The following PLAGL2 variants were observed in gnomAD, a reference collection of about 807,000 sequenced individuals.
PLAGL2 encodes PLAG1 like zinc finger 2, also known as zinc finger protein PLAGL2.
Under a neutral mutation model 29.0 loss-of-function variants are expected in PLAGL2, and 7 were observed. The observed-to-expected ratio is 0.24, with a 90% confidence interval of 0.14 to 0.45. The LOEUF is 0.45. Among genes scored for constraint, PLAGL2 ranks in the 20% least tolerant of loss-of-function variants. PLAGL2 has a pLI of 0.99. For missense variants in PLAGL2, 454 were observed against 648.2 expected, an observed-to-expected ratio of 0.70 and a Z score of 3.25; for synonymous variants, 234 against 266.0, an observed-to-expected ratio of 0.88 and a Z score of 1.17.
At position 32,197,714 on chromosome 20, in the gene PLAGL2, G is replaced by A. The variant is rs2047237944; in HGVS notation, c.261-32C>T. On this transcript the variant is annotated intron_variant, in intron 2 of 2. Coordinates refer to ENST00000246229, the MANE Select transcript of PLAGL2 (RefSeq NM_002657.3). This position sits in a 1 kb window ranked among gnomAD's most constrained non-coding sequence, Gnocchi z 6.6. ...GTAGAGACAGGGGATAGGGGAGAAAGCAGAAAGAGGGGAGATCACAAGGGA... is the reference window on the plus strand; with the variant it reads ...GTAGAGACAGGGGATAGGGGAGAAAACAGAAAGAGGGGAGATCACAAGGGA... 2 of 1,589,576 alleles carry A rather than the reference G, an allele frequency of 1.3e-6. No homozygotes were observed. Among genetic ancestry groups the A allele is most frequent in the Non-Finnish European group, 1.7e-6 (2 of 1,162,490 alleles).
At chr20:32,204,093 T>C (rs932851661) in intron 1 of PLAGL2, among the ~76,000 whole-genome samples, 8 of 152,224 alleles carry the variant, frequency 5.3e-5, no homozygotes, top group Non-Finnish European at 1.2e-4. Flanking sequence ...GCAATTACTA[T>C]GCACCTTGGA....
At chr20:32,199,878 T>C (rs1015390260) in intron 2 of PLAGL2, among the ~76,000 whole-genome samples, 1 of 152,044 alleles carries the variant, frequency 6.6e-6, no homozygotes, top group African/African-American at 2.4e-5. Context: ...AGTATGGCCT[T>C]GACTGGAGTT....
At position 32,196,172 on chromosome 20, in the gene PLAGL2, GGCC is replaced by G. The variant is rs2047226801; in HGVS notation, c.*277_*279del. The G allele has an allele frequency of 4.0e-6, 1 of 247,280 alleles. No individual in the cohort carries two copies. Among genetic ancestry groups the G allele is most frequent in the African/African-American group, 2.2e-5 (1 of 44,938 alleles). 15.3% of individuals were successfully genotyped at this position (247,280 alleles called of 1,614,324 possible). A position where few individuals can be genotyped will look rare whatever the true frequency, so the allele number is the denominator to read the frequency against. On this transcript the variant is annotated 3_prime_UTR_variant, in exon 3 of 3. Transcript: ENST00000246229. ...GTTCTGGCGCTTTGGAGAGGAAGAG[GGCC>G]AAGTGTGGCTCCCGATTCAGGTCAA...
intron 2 of PLAGL2, among the ~76,000 whole-genome samples, chr20:32,198,272 C>T (rs1402564936): frequency 6.6e-6 from 1 of 152,092 alleles, no homozygotes; most frequent in Non-Finnish European, 1.5e-5. Flanking sequence ...TTTTGAATTA[C>T]GTGAAAGTAT....
chr20:32,197,027 G>T lies in PLAGL2; in HGVS notation c.916C>A (p.Pro306Thr). ...GMYGAHIPTMPSTGVPHSLVH... is the reference protein window; with the variant it reads ...GMYGAHIPTMTSTGVPHSLVH... ...AGGGAGTGTGGCACGCCCGTGCTGGGCATGGTAGGGATGTGGGCACCATAC... is the reference window on the plus strand; with the variant it reads ...AGGGAGTGTGGCACGCCCGTGCTGGTCATGGTAGGGATGTGGGCACCATAC... The change falls in exon 3 of 3, where the codon CCC becomes ACC. Residue 306 changes from proline to threonine, a missense_variant. This residue lies in a region of PLAGL2 where 247 missense variants were observed against 350.3 expected (regional missense o/e 0.71). Coordinates refer to ENST00000246229, the MANE Select transcript of PLAGL2 (RefSeq NM_002657.3). The surrounding 1 kb of genome is among the most constrained non-coding windows in gnomAD (Gnocchi z 6.6). The T allele has an allele frequency of 6.2e-7, 1 of 1,614,208 alleles. No homozygotes were observed. Among genetic ancestry groups the T allele is most frequent in the Non-Finnish European group, 8.5e-7 (1 of 1,180,018 alleles).
chr20:32,199,209 C>T (rs1162470217), intron 2 of PLAGL2, among the ~76,000 whole-genome samples: 1 of 152,230 alleles, frequency 6.6e-6, no homozygotes, highest in Non-Finnish European at 1.5e-5. Flanking sequence ...AGCTGTCTCT[C>T]TCTCGTACAG....
In PLAGL2 at chr20:32,197,633, C is replaced by G; in HGVS notation, c.310G>C (p.Asp104His). The stretch of plus-strand genomic sequence containing the variant: ...TGGTCCTTGCGGTGAAACATCTTAT[C>G]ACAGTACATACACTGGTGGGGTTTC... ...AQKPHQCMYC[D>H]KMFHRKDHLR... The change falls in exon 3 of 3, where the codon GAT becomes CAT. Residue 104 changes from aspartate (D) to histidine (H), a missense_variant. Physicochemically the swap from Asp to His is moderately conservative, Grantham distance 81. Around this residue, in one of 4 missense-constraint regions of PLAGL2, gnomAD observed 111 missense variants for 173.1 expected, o/e 0.64. Transcript: ENST00000246229. The surrounding 1 kb of genome is among the most constrained non-coding windows in gnomAD (Gnocchi z 6.6). 6.2e-7 allele frequency: 1 copy of G among 1,614,176 alleles called. No homozygotes were observed. The highest frequency in any genetic ancestry group is 1.1e-5 in the South Asian group (1 of 91,086).
At chr20:32,202,421 A>C in intron 1 of PLAGL2, 129 bp from the exon 2 acceptor site, 2 of 552,146 alleles carry the variant, frequency 3.6e-6, no homozygotes, top group South Asian at 4.6e-5. Flanking sequence ...CCAATTACTT[A>C]CTTCCCTGAG....
At chr20:32,205,726 A>G (rs1425316059) in intron 1 of PLAGL2, among the ~76,000 whole-genome samples, 1 of 152,232 alleles carries the variant, frequency 6.6e-6, no homozygotes, top group African/African-American at 2.4e-5. Flanking sequence ...TTAGTGAGGT[A>G]TGCAAAGGGC....
intron 2 of PLAGL2, among the ~76,000 whole-genome samples, chr20:32,198,526 GC>G (rs2047241851): frequency 6.6e-6 from 1 of 152,114 alleles, no homozygotes; most frequent in Non-Finnish European, 1.5e-5. Context: ...TGTAGTCCTA[GC>G]TACTCAAGAG....
At position 32,196,895 on chromosome 20, in the gene PLAGL2, A is replaced by G. The variant is rs764553186; in HGVS notation, c.1048T>C (p.Leu350=). The change falls in exon 3 of 3, where the codon TTG becomes CTG. Residue 350 remains leucine (L), a synonymous_variant. Transcript: ENST00000246229. ...PKYQLGSTSY[L]PDKLPKVEVD... ...TCCACTTTGGGCAATTTGTCGGGCA[A>G]GTATGAGGTAGATCCAAGCTGGTAT... The G allele has an allele frequency of 1.9e-6, 3 of 1,614,146 alleles. No individual in the cohort carries two copies.
chr20:32,206,569 G>A (rs1287398601), intron 1 of PLAGL2, among the ~76,000 whole-genome samples: 1 of 152,182 alleles, frequency 6.6e-6, no homozygotes, highest in Non-Finnish European at 1.5e-5. Flanking sequence ...CTCACCTTAG[G>A]AGAGAAAGGT....
At chr20:32,200,322 C>T (rs2122540216) in intron 2 of PLAGL2, among the ~76,000 whole-genome samples, 1 of 152,304 alleles carries the variant, frequency 6.6e-6, no homozygotes, top group East Asian at 1.9e-4. Flanking sequence ...ACTGCAAGCT[C>T]TGCCTCCTGG....
chr20:32,198,599 T>G (rs2047242151), intron 2 of PLAGL2, among the ~76,000 whole-genome samples: 1 of 152,234 alleles, frequency 6.6e-6, no homozygotes, highest in Non-Finnish European at 1.5e-5. Context: ...ATCGCACCAC[T>G]GCACTCCATC....
intron 1 of PLAGL2, among the ~76,000 whole-genome samples, chr20:32,203,607 G>A (rs1005814940): frequency 4.6e-5 from 7 of 152,088 alleles, no homozygotes; most frequent in South Asian, 2.1e-4. Context: ...GATTATCCAC[G>A]AGAATCTGGG....
At position 32,196,408 on chromosome 20, in the gene PLAGL2, C is replaced by T. The variant is rs1380849642; in HGVS notation, c.*44G>A. 2 of 1,413,006 alleles carry T rather than the reference C, an allele frequency of 1.4e-6. No homozygotes were observed. The highest frequency in any genetic ancestry group is 9.3e-7 in the Non-Finnish European group (1 of 1,071,492). The allele number at this position is 1,413,006 out of a possible 1,614,324, so 87.5% of individuals were successfully genotyped here. The stretch of plus-strand genomic sequence containing the variant: ...GACACAGACGGGGTGGGTACTAAGG[C>T]TCCATAACAGAGCCAAAAACTGAGC... On this transcript the variant is annotated 3_prime_UTR_variant, in exon 3 of 3. Transcript: ENST00000246229.
Position 32,196,596 on chromosome 20 carries a change from C to A in PLAGL2, c.1347G>T (p.Leu449=). 1 of 1,538,492 alleles carries A rather than the reference C, an allele frequency of 6.5e-7. No homozygotes were observed. Among genetic ancestry groups the A allele is most frequent in the Non-Finnish European group, 8.7e-7 (1 of 1,146,892 alleles). The change falls in exon 3 of 3, where the codon CTG becomes CTT. Residue 449 remains leucine, a synonymous_variant. Transcript: ENST00000246229. Reference sequence around the variant, plus strand: ...GAGGCTGAGCTTGCAAAGTGGTAAGCAGGGGCTGTGCCTCAGCCTGGGAGT... The same window carrying A: ...GAGGCTGAGCTTGCAAAGTGGTAAGAAGGGGCTGTGCCTCAGCCTGGGAGT... ...MGYSQAEAQP[L]LTTLQAQPQD...
At position 32,197,769 on chromosome 20, in the gene PLAGL2, A is replaced by G. The variant is rs1569139608; in HGVS notation, c.261-87T>C. On this transcript the variant is annotated intron_variant, in intron 2 of 2. Coordinates refer to ENST00000246229, the MANE Select transcript of PLAGL2 (RefSeq NM_002657.3). The surrounding 1 kb of genome is among the most constrained non-coding windows in gnomAD (Gnocchi z 6.6). ...TGGACAACCAAAGGTGTCCATTAACAGGAAACTAGATATAAAAACCATGGT... is the reference window on the plus strand; with the variant it reads ...TGGACAACCAAAGGTGTCCATTAACGGGAAACTAGATATAAAAACCATGGT... 9.3e-7 allele frequency: 1 copy of G among 1,076,898 alleles called. No homozygotes were observed. The highest frequency in any genetic ancestry group is 2.4e-5 in the East Asian group (1 of 42,094). 66.7% of individuals were successfully genotyped at this position (1,076,898 alleles called of 1,614,324 possible). A position where few individuals can be genotyped will look rare whatever the true frequency, so the allele number is the denominator to read the frequency against.
rs1483393428 is a variant in PLAGL2, at chr20:32,194,798, T to C, written c.*1654A>G. The C allele has an allele frequency of 6.6e-6, 1 of 152,666 alleles. No individual in the cohort carries two copies. The highest frequency in any genetic ancestry group is 1.9e-4 in the East Asian group (1 of 5,204). The allele number at this position is 152,666 out of a possible 1,614,324, so 9.5% of individuals were successfully genotyped here. On this transcript the variant is annotated 3_prime_UTR_variant, in exon 3 of 3. Coordinates refer to ENST00000246229, the MANE Select transcript of PLAGL2 (RefSeq NM_002657.3). ...AAGTGCCCAGAAACTGCTGACTGCA[T>C]CTGTTAAGAGTTAACAGTAAAGAGG...
Sources: gnomAD v4.1 joint callset for allele counts (sites outside exome capture counted in the v4.1 genomes callset) on GRCh38, gnomAD v4.1.1 for gene constraint, gnomAD v4.1.1 regional missense constraint, Gnocchi (gnomAD v3.1) non-coding constraint, MANE v1.5 for transcripts, NCBI Gene and HGNC (gene_info 2026-07-23, HGNC 2026-07-21) for gene names.